ARHGAP42: variants seen among roughly 807,000 people sequenced by gnomAD.
The protein encoded by ARHGAP42 is Rho GTPase activating protein 42.
Under a neutral mutation model 125.0 loss-of-function variants are expected in ARHGAP42, and 63 were observed. The observed-to-expected ratio is 0.50, with a 90% CI of 0.41 to 0.62. The LOEUF (loss-of-function observed/expected upper bound fraction) is 0.62. Among genes scored for constraint, ARHGAP42 ranks in the 20% least tolerant of loss-of-function variants. The probability of loss-of-function intolerance (pLI) is 0.00; values close to 1 mark genes in which losing one functional copy is unlikely to be tolerated. For synonymous variants in ARHGAP42, 339 were observed against 351.0 expected, an observed-to-expected ratio of 0.97 and a Z score of 0.38; for missense variants, 766 against 1,024.2, an observed-to-expected ratio of 0.75 and a Z score of 3.44.
chr11:100,908,708 G>A (rs1257561239), intron 4 of ARHGAP42, among the ~76,000 whole-genome samples: 1 of 152,178 alleles, frequency 6.6e-6, no homozygotes, highest in Non-Finnish European at 1.5e-5. Flanking sequence ...ATAAACATAT[G>A]AGTGCAGGTA....
chr11:100,872,334 T>C (rs1254654609), intron 4 of ARHGAP42, among the ~76,000 whole-genome samples: 1 of 152,198 alleles, frequency 6.6e-6, no homozygotes, highest in African/African-American at 2.4e-5. Context: ...AGTAGACTTT[T>C]TGGTGAGACT....
chr11:100,829,549 G>A (rs1158604583), intron 3 of ARHGAP42, among the ~76,000 whole-genome samples: 1 of 152,116 alleles, frequency 6.6e-6, no homozygotes, highest in African/African-American at 2.4e-5. Context: ...ACTTTACTAT[G>A]ATACAGACAG....
At chr11:100,887,867 G>T (rs1226531488) in intron 4 of ARHGAP42, among the ~76,000 whole-genome samples, 1 of 152,172 alleles carries the variant, frequency 6.6e-6, no homozygotes, top group Non-Finnish European at 1.5e-5. Context: ...AGCTCACTAG[G>T]AGGCAATTCT....
intron 1 of ARHGAP42, among the ~76,000 whole-genome samples, chr11:100,690,671 A>T (rs181206876): frequency 1.2e-4 from 19 of 152,118 alleles, no homozygotes; most frequent in Admixed American, 1.2e-3. Context: ...ATCTCGGCTC[A>T]CTGCAAGCTC....
chr11:100,747,641 A>T (rs12276724), intron 1 of ARHGAP42, among the ~76,000 whole-genome samples: 20,315 of 151,988 alleles, frequency 0.13, 1,590 homozygotes, highest in East Asian at 0.26. Context: ...TAAAACAAAA[A>T]TTTTTTTTAA....
chr11:100,732,949 C>A (rs180987749), intron 1 of ARHGAP42, among the ~76,000 whole-genome samples: 1 of 152,278 alleles, frequency 6.6e-6, no homozygotes, highest in Non-Finnish European at 1.5e-5. Context: ...TGTTAATTAG[C>A]CAGCTCCAAA....
chr11:100,937,716 TGTGGGCACACAATATTTTATTCTAAAC>T (rs1347756836), intron 8 of ARHGAP42, among the ~76,000 whole-genome samples: 1 of 152,256 alleles, frequency 6.6e-6, no homozygotes, highest in Non-Finnish European at 1.5e-5. Context: ...CTGAAATCTT[TGTGGGCACACAATATTTTATTCTAAAC>T]AGGAAAGATT....
rs901611574 is a variant in ARHGAP42, at chr11:100,733,315, C to T, written c.155-37028C>T. 2.6e-5 allele frequency among the ~76,000 whole-genome samples: 4 copies of T among 152,326 alleles called. No homozygotes were observed. In the South Asian group the frequency reaches 8.3e-4, roughly 32 times the overall value. ...TAAAGGCCCTTGGCAAAATGCTTAG[C>T]ACATAGTAAGTGCTTAATAAATGTT... is the stretch of plus-strand genomic sequence containing the variant. On this transcript the variant is annotated intron_variant, in intron 1 of 23. Coordinates refer to ENST00000298815, the MANE Select transcript of ARHGAP42 (RefSeq NM_152432.4).
Position 100,979,048 on chromosome 11 carries a change from C to CGGTA in ARHGAP42, c.2456_2456+3dup, listed in dbSNP as rs1858464575. On this transcript the variant is annotated stop_gained and frameshift_variant and splice_region_variant, in exon 22 of 24. Coordinates refer to ENST00000298815, the MANE Select transcript of ARHGAP42 (RefSeq NM_152432.4). LOFTEE classifies it high-confidence loss of function. ...TTCACCTAAACCAGTTTCTTCTGGG[C>CGGTA]GGTAAGTTCTCCAAACCCTTAAATG... 1 of 1,551,272 alleles carries CGGTA rather than the reference C, an allele frequency of 6.4e-7. No individual in the cohort carries two copies. Among genetic ancestry groups the CGGTA allele is most frequent in the African/African-American group, 1.4e-5 (1 of 72,966 alleles).
intron 6 of ARHGAP42, among the ~76,000 whole-genome samples, chr11:100,931,997 T>C (rs1189311591): frequency 6.6e-6 from 1 of 152,178 alleles, no homozygotes; most frequent in Non-Finnish European, 1.5e-5. Context: ...CAGGACTGTT[T>C]GAACAAGAGA....
At chr11:100,751,279 G>GTTTTT in intron 1 of ARHGAP42, among the ~76,000 whole-genome samples, 1 of 93,472 alleles carries the variant, frequency 1.1e-5, no homozygotes, top group Non-Finnish European at 2.0e-5. Context: ...GTGTGTGTGT[G>GTTTTT]TTTTTTTTTT....
At chr11:100,967,932 C>G (rs1858140776) in intron 17 of ARHGAP42, among the ~76,000 whole-genome samples, 1 of 152,040 alleles carries the variant, frequency 6.6e-6, no homozygotes, top group South Asian at 2.1e-4. Context: ...CCACGTTGGC[C>G]AGGATGGTCT....
At chr11:100,835,862 A>T (rs1864775854) in intron 3 of ARHGAP42, among the ~76,000 whole-genome samples, 1 of 152,080 alleles carries the variant, frequency 6.6e-6, no homozygotes, top group Non-Finnish European at 1.5e-5. Flanking sequence ...GCCAGGAATA[A>T]ATCTGACTTT....
chr11:100,936,078 G>A, intron 7 of ARHGAP42, 125 bp from the exon 8 acceptor site: 1 of 1,196,354 alleles, frequency 8.4e-7, no homozygotes, highest in Non-Finnish European at 1.2e-6. Context: ...AGCCATAATT[G>A]CACCTGGTTG....
intron 2 of ARHGAP42, among the ~76,000 whole-genome samples, chr11:100,789,323 C>T (rs1016342765): frequency 3.3e-5 from 5 of 152,192 alleles, no homozygotes; most frequent in South Asian, 2.1e-4. Flanking sequence ...TTACTGCTGA[C>T]GCAGTTCTCC....
intron 12 of ARHGAP42, among the ~76,000 whole-genome samples, chr11:100,950,661 A>G (rs937239612): frequency 6.6e-6 from 1 of 151,958 alleles, no homozygotes; most frequent in Non-Finnish European, 1.5e-5. Context: ...ACTTCTTGCT[A>G]TCTTTTATCT....
chr11:100,802,854 T>G (rs1295726478), intron 3 of ARHGAP42, among the ~76,000 whole-genome samples: 1 of 152,176 alleles, frequency 6.6e-6, no homozygotes, highest in Non-Finnish European at 1.5e-5. Flanking sequence ...GCCTTGAACA[T>G]CCTCATCCAT....
chr11:100,719,888 T>G (rs977282420), intron 1 of ARHGAP42, among the ~76,000 whole-genome samples: 1 of 152,232 alleles, frequency 6.6e-6, no homozygotes, highest in African/African-American at 2.4e-5. Flanking sequence ...CAAGGCTATT[T>G]ACTACTTCTG....
intron 17 of ARHGAP42, among the ~76,000 whole-genome samples, chr11:100,967,813 A>C (rs1752678991): frequency 6.6e-6 from 1 of 152,120 alleles, no homozygotes; most frequent in South Asian, 2.1e-4. Context: ...TCCTGGGTTC[A>C]AGTGATTCTC....
Sources: gnomAD v4.1 joint callset for allele counts (sites outside exome capture counted in the v4.1 genomes callset) on GRCh38, gnomAD v4.1.1 for gene constraint, MANE v1.5 for transcripts, NCBI Gene and HGNC (gene_info 2026-07-23, HGNC 2026-07-21) for gene names.